The following CRB1 variants were observed in gnomAD, a reference collection of about 807,000 sequenced individuals.
The protein encoded by CRB1 is protein crumbs homolog 1.
A neutral mutation model predicts 120.0 loss-of-function variants in CRB1; 83 were observed. The observed-to-expected ratio is 0.69, with a 90% CI of 0.58 to 0.83. The LOEUF (loss-of-function observed/expected upper bound fraction) is 0.83. CRB1 is among the 40% of genes least tolerant of loss of function. The pLI is 0.00. For synonymous variants in CRB1, 625 were observed against 612.5 expected (o/e 1.02, Z -0.30); for missense variants, 1,699 against 1,687.6 (o/e 1.01, Z -0.12).
chr1:197,356,173 T>C (rs765613750), intron 4 of CRB1, among the ~76,000 whole-genome samples: 10 of 152,228 alleles, frequency 6.6e-5, no homozygotes, highest in Non-Finnish European at 1.3e-4. Context: ...GTTCCAGTTA[T>C]GTTAAAACAG....
intron 7 of CRB1, chr1:197,429,156 C>G: frequency 6.5e-7 from 1 of 1,530,756 alleles, no homozygotes; most frequent in Non-Finnish European, 8.7e-7. Context: ...GAAAAAGTGC[C>G]TGGTAATTTG....
intron 5 of CRB1, among the ~76,000 whole-genome samples, chr1:197,411,368 A>G (rs1240843383): frequency 6.6e-6 from 1 of 152,198 alleles, no homozygotes; most frequent in Non-Finnish European, 1.5e-5. Flanking sequence ...AATAAAGTAA[A>G]CCATAGGCTG....
intron 1 of CRB1, among the ~76,000 whole-genome samples, chr1:197,298,881 A>G (rs1303945824): frequency 6.6e-6 from 1 of 152,132 alleles, no homozygotes; most frequent in Non-Finnish European, 1.5e-5. Context: ...TTCCAAATAA[A>G]TTAATTACAT....
chr1:197,346,054 C>T (rs1343726003), intron 3 of CRB1, among the ~76,000 whole-genome samples: 2 of 152,072 alleles, frequency 1.3e-5, no homozygotes, highest in African/African-American at 4.8e-5. Flanking sequence ...CAGAAAGCAT[C>T]AGGACAGAAA....
At chr1:197,374,266 TC>T (rs1415002272) in intron 5 of CRB1, among the ~76,000 whole-genome samples, 2 of 152,052 alleles carry the variant, frequency 1.3e-5, no homozygotes, top group Non-Finnish European at 2.9e-5. Context: ...AACCATACTA[TC>T]CCCCAGTTGG....
intron 11 of CRB1, among the ~76,000 whole-genome samples, chr1:197,456,783 A>G (rs1257380680): frequency 1.3e-5 from 2 of 152,132 alleles, no homozygotes; most frequent in Non-Finnish European, 2.9e-5. Flanking sequence ...GGATGAATGA[A>G]TAAATGTATT....
At chr1:197,201,762 G>A in the CRB1 span, among the ~76,000 whole-genome samples, 1 of 152,138 alleles carries the variant, frequency 6.6e-6, no homozygotes, top group South Asian at 2.1e-4. Flanking sequence ...ACCTACTGGC[G>A]TGCACGAAAG....
chr1:197,348,585 T>C (rs1331876791), intron 4 of CRB1, among the ~76,000 whole-genome samples: 2 of 152,204 alleles, frequency 1.3e-5, no homozygotes, highest in Non-Finnish European at 2.9e-5. Context: ...CACACCATTT[T>C]CCTGCCTCAG....
intron 1 of CRB1, among the ~76,000 whole-genome samples, chr1:197,310,083 G>T (rs1410384101): frequency 3.3e-5 from 5 of 152,144 alleles, no homozygotes; most frequent in African/African-American, 1.2e-4. Context: ...GCAATGGTAT[G>T]ATGTTTATAA....
intron 11 of CRB1, among the ~76,000 whole-genome samples, chr1:197,470,448 G>T (rs1666934443): frequency 6.6e-6 from 1 of 152,078 alleles, no homozygotes. Flanking sequence ...ACTGACACAG[G>T]GTCAGAAGAA....
chr1:197,284,557 C>G (rs1655714796), intron 1 of CRB1, among the ~76,000 whole-genome samples: 1 of 151,854 alleles, frequency 6.6e-6, no homozygotes, highest in South Asian at 2.1e-4. Context: ...TTAGTCATTT[C>G]CATGGAACTC....
At chr1:197,315,926 T>C (rs1657810676) in intron 1 of CRB1, among the ~76,000 whole-genome samples, 1 of 152,246 alleles carries the variant, frequency 6.6e-6, no homozygotes, top group African/African-American at 2.4e-5. Flanking sequence ...AGGATAATCT[T>C]AGAGGTGAAC....
chr1:197,467,182 C>T (rs1318622309), intron 11 of CRB1, among the ~76,000 whole-genome samples: 1 of 152,142 alleles, frequency 6.6e-6, no homozygotes, highest in Non-Finnish European at 1.5e-5. Flanking sequence ...TAAATTATTA[C>T]TTTTCCAACA....
At chr1:197,438,778 G>T in intron 10 of CRB1, 103 bp downstream of exon 10, 5 of 1,430,678 alleles carry the variant, frequency 3.5e-6, no homozygotes, top group Non-Finnish European at 4.9e-6. Flanking sequence ...AGTTCCCATA[G>T]GAAAATCTAT....
the CRB1 span, among the ~76,000 whole-genome samples, chr1:197,253,734 T>A: frequency 6.6e-6 from 1 of 152,080 alleles, no homozygotes; most frequent in South Asian, 2.1e-4. Flanking sequence ...TAAAGAAAAA[T>A]TTCTCTAAAA....
At chr1:197,244,914 T>A in the CRB1 span, among the ~76,000 whole-genome samples, 4 of 152,056 alleles carry the variant, frequency 2.6e-5, no homozygotes, top group Non-Finnish European at 5.9e-5. Context: ...GTTCTATCTT[T>A]TATATCACTG....
Position 197,427,991 on chromosome 1 carries a change from A to G in CRB1, c.2666A>G (p.Asn889Ser). The G allele has an allele frequency of 6.2e-7, 1 of 1,613,512 alleles. No individual in the cohort carries two copies. The highest frequency in any genetic ancestry group is 2.2e-5 in the East Asian group (1 of 44,874). ...VNVTQGCAGD[N>S]SCKSNPCHNG... ...GTAACCCAAGGCTGTGCTGGAGACA[A>G]CAGCTGCAAGGTAATGATTACTCAT... is the stretch of plus-strand genomic sequence containing the variant. The change falls in exon 7 of 12, where the codon AAC (asparagine) becomes AGC (serine). Residue 889 changes from asparagine to serine, a missense_variant. Coordinates refer to ENST00000367400, the MANE Select transcript of CRB1 (RefSeq NM_201253.3).
chr1:197,457,096 T>C (rs1666317713), intron 11 of CRB1, among the ~76,000 whole-genome samples: 1 of 152,158 alleles, frequency 6.6e-6, no homozygotes, highest in Admixed American at 6.6e-5. Context: ...CTTTGCCTAG[T>C]CAAATACATT....
chr1:197,442,442 G>A (rs550352016), intron 11 of CRB1, 150 bp downstream of exon 11: 68 of 1,537,674 alleles, frequency 4.4e-5, no homozygotes, highest in African/African-American at 3.1e-4. Context: ...ATTCCCAAAT[G>A]AAAAAAAAAG....
Sources: gnomAD v4.1 joint callset for allele counts (sites outside exome capture counted in the v4.1 genomes callset) on GRCh38, gnomAD v4.1.1 for gene constraint, MANE v1.5 for transcripts, NCBI Gene and HGNC (gene_info 2026-07-23, HGNC 2026-07-21) for gene names.